Variants in SLC22A23 observed in about 807,000 individuals in gnomAD.
The protein encoded by SLC22A23 is ion transporter protein.
In SLC22A23, 26 loss-of-function variants were observed where a neutral mutation model predicts 61.0. The observed-to-expected ratio is 0.43, with a 90% CI of 0.31 to 0.59. The LOEUF is 0.59. SLC22A23 is among the 20% of genes least tolerant of loss of function. The pLI, the probability that SLC22A23 is intolerant of heterozygous loss-of-function variation, is 0.11. For synonymous variants in SLC22A23, 430 were observed against 413.9 expected (o/e 1.04, Z -0.47); for missense variants, 796 against 934.7 (o/e 0.85, Z 1.94).
At chr6:3,445,321 C>G (rs1447780246) in intron 1 of SLC22A23, among the ~76,000 whole-genome samples, 2 of 152,162 alleles carry the variant, frequency 1.3e-5, no homozygotes, top group Admixed American at 6.5e-5. Context: ...GCCTCAGCCT[C>G]CTGAGTAGCT....
At chr6:3,393,261 T>C in intron 3 of SLC22A23, among the ~76,000 whole-genome samples, 1 of 152,162 alleles carries the variant, frequency 6.6e-6, no homozygotes, top group East Asian at 1.9e-4. Flanking sequence ...TTGGGGCTCA[T>C]GTTTGGAGAA....
intron 3 of SLC22A23, among the ~76,000 whole-genome samples, chr6:3,335,041 G>T (rs1022166628): frequency 6.6e-6 from 1 of 152,210 alleles, no homozygotes; most frequent in Non-Finnish European, 1.5e-5. Context: ...AGTTGAGGCT[G>T]ATAGAACGTA....
At chr6:3,448,006 G>A (rs971586849) in intron 1 of SLC22A23, among the ~76,000 whole-genome samples, 1 of 147,488 alleles carries the variant, frequency 6.8e-6, no homozygotes, top group African/African-American at 2.5e-5. Flanking sequence ...GGGTTCAAGC[G>A]ATTCTCCTGC....
At chr6:3,425,548 C>T (rs898940509) in intron 1 of SLC22A23, among the ~76,000 whole-genome samples, 10 of 152,000 alleles carry the variant, frequency 6.6e-5, no homozygotes, top group Non-Finnish European at 1.3e-4. Flanking sequence ...CCTCCCAAAG[C>T]GCTGGGATTA....
intron 1 of SLC22A23, among the ~76,000 whole-genome samples, chr6:3,424,413 A>AT (rs1770347223): frequency 2.0e-5 from 3 of 152,172 alleles, no homozygotes; most frequent in East Asian, 1.9e-4. Context: ...TACTGCACGC[A>AT]TTTTTTCTTT....
intron 3 of SLC22A23, among the ~76,000 whole-genome samples, chr6:3,400,356 A>G (rs1224706628): frequency 2.6e-5 from 4 of 152,216 alleles, no homozygotes; most frequent in African/African-American, 9.6e-5. Flanking sequence ...GCTTGCTGCG[A>G]GCCCAGAGAT....
At chr6:3,398,681 C>T (rs912749046) in intron 3 of SLC22A23, among the ~76,000 whole-genome samples, 3 of 152,032 alleles carry the variant, frequency 2.0e-5, no homozygotes, top group Admixed American at 2.0e-4. Context: ...GCAACCCTCC[C>T]TGCCTCCTCA....
At chr6:3,307,601 G>A (rs1036356656) in intron 4 of SLC22A23, among the ~76,000 whole-genome samples, 2 of 152,226 alleles carry the variant, frequency 1.3e-5, no homozygotes, top group African/African-American at 2.4e-5. Flanking sequence ...CCCTGCTGGC[G>A]TCCAATATGG....
intron 4 of SLC22A23, among the ~76,000 whole-genome samples, chr6:3,299,117 C>T (rs1159299908): frequency 6.6e-6 from 1 of 152,010 alleles, no homozygotes; most frequent in Non-Finnish European, 1.5e-5. Flanking sequence ...TGTACGATTA[C>T]TATGTGTCAA....
At chr6:3,358,353 A>T (rs559103253) in intron 3 of SLC22A23, among the ~76,000 whole-genome samples, 1 of 152,332 alleles carries the variant, frequency 6.6e-6, no homozygotes, top group African/African-American at 2.4e-5. Context: ...GAAGGGACAC[A>T]CGAAACACAG....
intron 5 of SLC22A23, chr6:3,290,084 C>A: frequency 1.7e-6 from 1 of 581,392 alleles, no homozygotes; most frequent in Non-Finnish European, 3.1e-6. Context: ...CGCTCGGGTG[C>A]CTGAGAGGGC....
intron 9 of SLC22A23, among the ~76,000 whole-genome samples, chr6:3,274,373 G>A (rs1187458733): frequency 8.5e-5 from 13 of 152,200 alleles, no homozygotes; most frequent in African/African-American, 2.9e-4. Flanking sequence ...GGTAGGCAGA[G>A]GTGGCCTTGT....
In SLC22A23 at chr6:3,286,816, A is replaced by G. The variant is rs372168705; in HGVS notation, c.1546+43T>C. 170 of 1,513,198 alleles carry G rather than the reference A, an allele frequency of 1.1e-4. No homozygotes were observed. The highest frequency in any genetic ancestry group is 1.5e-4 in the Non-Finnish European group (164 of 1,112,314). 93.7% of individuals were successfully genotyped at this position (1,513,198 alleles called of 1,614,324 possible). ...TTTCAAATGCCCTTGGGGATCTGCC[A>G]GCTTCCCTCCCTGCACCCAGCCCAC... On this transcript the variant is annotated intron_variant, in intron 7 of 9. Coordinates refer to ENST00000406686, the MANE Select transcript of SLC22A23 (RefSeq NM_015482.2). This position sits in a 1 kb window ranked among gnomAD's most constrained non-coding sequence, Gnocchi z 4.2.
rs1315730798 is a variant in SLC22A23, at chr6:3,342,327, A to C, written c.914-18325T>G. On this transcript the variant is annotated intron_variant, in intron 3 of 9. Transcript: ENST00000406686. The surrounding 1 kb of genome is among the most constrained non-coding windows in gnomAD (Gnocchi z 4.0). ...TGGCCAACAAATTGAGATAAAACAA[A>C]ATTTAAAGGAATACCTTACTTCATT... Among the ~76,000 whole-genome samples the C allele has an allele frequency of 6.6e-6, 1 of 152,234 alleles. No homozygotes were observed. Among genetic ancestry groups the C allele is most frequent in the Non-Finnish European group, 1.5e-5 (1 of 68,044 alleles).
At chr6:3,283,801 T>C (rs750627838) in intron 9 of SLC22A23, 51 bp downstream of exon 9, 25 of 1,608,968 alleles carry the variant, frequency 1.6e-5, no homozygotes, top group Non-Finnish European at 2.0e-5. Flanking sequence ...CAGGGACTCG[T>C]CTTTGATTTC....
At chr6:3,295,135 G>C (rs762101827) in intron 5 of SLC22A23, among the ~76,000 whole-genome samples, 2 of 152,268 alleles carry the variant, frequency 1.3e-5, no homozygotes, top group African/African-American at 4.8e-5. Context: ...CTCTACAGAC[G>C]GGCCCTGCCT....
chr6:3,350,580 A>G lies in SLC22A23; in HGVS notation c.914-26578T>C, dbSNP rs142026410. On this transcript the variant is annotated intron_variant, in intron 3 of 9. Transcript: ENST00000406686. ...GACCGTATGGCCTGCACAGCCCAGA[A>G]TATTCATGTTCTGGCCCTTTGCAGA... 1.1e-3 allele frequency among the ~76,000 whole-genome samples: 164 copies of G among 152,330 alleles called. 1 individual carries two copies. The Middle Eastern group carries it at 0.027, about 25-fold the overall frequency.
intron 3 of SLC22A23, among the ~76,000 whole-genome samples, chr6:3,326,274 C>A (rs1467039510): frequency 6.6e-6 from 1 of 152,208 alleles, no homozygotes; most frequent in Non-Finnish European, 1.5e-5. Flanking sequence ...TTGTCTCAAT[C>A]CTCTCCTGTA....
rs1772283269 is a variant in SLC22A23, at chr6:3,454,196, C to T, written c.654+1710G>A. On this transcript the variant is annotated intron_variant, in intron 1 of 9. Transcript: ENST00000406686. This position sits in a 1 kb window ranked among gnomAD's most constrained non-coding sequence, Gnocchi z 4.3. ...AGCATCACCCAAAACATGCCACACACATGAGGGCTGTCTGTGACCCTCTCG... is the reference window on the plus strand; with the variant it reads ...AGCATCACCCAAAACATGCCACACATATGAGGGCTGTCTGTGACCCTCTCG... Among the ~76,000 whole-genome samples, 1 of 152,214 alleles carries T rather than the reference C, an allele frequency of 6.6e-6. No homozygotes were observed. The highest frequency in any genetic ancestry group is 6.5e-5 in the Admixed American group (1 of 15,286).
Sources: gnomAD v4.1 joint callset for allele counts (sites outside exome capture counted in the v4.1 genomes callset) on GRCh38, gnomAD v4.1.1 for gene constraint, Gnocchi (gnomAD v3.1) non-coding constraint, MANE v1.5 for transcripts, NCBI Gene and HGNC (gene_info 2026-07-23, HGNC 2026-07-21) for gene names.